USP34: variants seen among roughly 807,000 people sequenced by gnomAD.
USP34 encodes the protein ubiquitin specific peptidase 34.
A neutral mutation model predicts 460.3 loss-of-function variants in USP34; 70 were observed. The observed-to-expected ratio is 0.15, with a 90% CI of 0.13 to 0.19. The LOEUF (loss-of-function observed/expected upper bound fraction) is 0.19. USP34 is among the 10% of genes least tolerant of loss of function. The probability of loss-of-function intolerance (pLI) is 1.00; values close to 1 mark genes in which losing one functional copy is unlikely to be tolerated. For synonymous variants in USP34, 1,647 were observed against 1,405.3 expected (o/e 1.17, Z -3.85); for missense variants, 3,985 against 4,236.2 (o/e 0.94, Z 1.65).
chr2:61,246,276 A>C, intron 50 of USP34, 48 bp downstream of exon 50: 1 of 1,400,906 alleles, frequency 7.1e-7, no homozygotes, highest in Non-Finnish European at 9.4e-7. Context: ...AACATATCAG[A>C]AAACTACCAT....
chr2:61,242,730 G>A (rs1688304576), intron 51 of USP34, among the ~76,000 whole-genome samples: 1 of 152,154 alleles, frequency 6.6e-6, no homozygotes, highest in Admixed American at 6.5e-5. Context: ...TAATGCTGGA[G>A]AACTTCAGGT....
intron 41 of USP34, among the ~76,000 whole-genome samples, chr2:61,275,878 G>C (rs781360007): frequency 6.6e-6 from 1 of 151,904 alleles, no homozygotes; most frequent in Non-Finnish European, 1.5e-5. Flanking sequence ...ATTTGTCCTA[G>C]GATGACAACT....
intron 32 of USP34, among the ~76,000 whole-genome samples, chr2:61,294,228 A>C (rs924986331): frequency 1.3e-5 from 2 of 149,788 alleles, no homozygotes; most frequent in African/African-American, 4.9e-5. Flanking sequence ...CGCCTGTAGT[A>C]CCAGCTACTC....
intron 62 of USP34, among the ~76,000 whole-genome samples, chr2:61,226,528 C>A (rs897676583): frequency 6.6e-6 from 1 of 152,104 alleles, no homozygotes; most frequent in Non-Finnish European, 1.5e-5. Flanking sequence ...TTTTTCCCAC[C>A]TTTTTTTACT....
In USP34 at chr2:61,452,879, G is replaced by T. The variant is rs1462267603; in HGVS notation, c.43+17771C>A. Among the ~76,000 whole-genome samples the T allele has an allele frequency of 2.3e-5, 3 of 129,350 alleles. No homozygotes were observed. The Admixed American group carries it at 2.8e-4, about 12-fold the overall frequency. The allele number at this position is 129,350 out of a possible 152,430, so 84.9% of individuals were successfully genotyped here. The stretch of plus-strand genomic sequence containing the variant: ...ACTCCAGCCCTTAGAGACAGACCAA[G>T]ACACTATGATGACCCACCCCACAAC... On this transcript the variant is annotated intron_variant, in intron 1 of 79. Transcript: ENST00000398571.
chr2:61,278,464 A>C, intron 39 of USP34, 21 bp from the exon 40 acceptor site: 3 of 1,482,336 alleles, frequency 2.0e-6, no homozygotes, highest in East Asian at 2.5e-5. Flanking sequence ...AAAGAAAATA[A>C]AAATTCAAAT....
intron 58 of USP34, among the ~76,000 whole-genome samples, chr2:61,230,739 A>G (rs1572854193): frequency 6.6e-6 from 1 of 151,580 alleles, no homozygotes; most frequent in African/African-American, 2.4e-5. Context: ...AGCTACTTGG[A>G]AAGCTGAGGC....
rs1284275667 is a variant in USP34, at chr2:61,452,026, T to A, written c.43+18624A>T. On this transcript the variant is annotated intron_variant, in intron 1 of 79. Coordinates refer to ENST00000398571, the MANE Select transcript of USP34 (RefSeq NM_014709.4). ...CGTCTCTACTAAAAATACAAAAAAT[T>A]AGCCGGGCGTGGTGGCGGGCGCCTG... Among the ~76,000 whole-genome samples the A allele has an allele frequency of 3.3e-5, 5 of 151,210 alleles. No individual in the cohort carries two copies. The East Asian group carries it at 1.0e-3, about 30-fold the overall frequency.
At chr2:61,454,459 T>C (rs1000971989) in intron 1 of USP34, among the ~76,000 whole-genome samples, 2 of 151,892 alleles carry the variant, frequency 1.3e-5, no homozygotes, top group Non-Finnish European at 2.9e-5. Context: ...TGTTTTTGTT[T>C]TTCCCAAAGG....
intron 79 of USP34, 56 bp downstream of exon 79, chr2:61,188,854 G>C (rs1686532043): frequency 6.3e-7 from 1 of 1,598,894 alleles, no homozygotes; most frequent in African/African-American, 1.3e-5. Context: ...GTTACACCAA[G>C]TGTATTACTC....
rs145616603 is a variant in USP34 at position 61,388,377 on chromosome 2, C to A, written c.754-5041G>T. ...CTGACAGAAGTATAAATTAATACAA[C>A]CACCTAAGGAAACCATAGGTTTAAC... is the stretch of plus-strand genomic sequence containing the variant. On this transcript the variant is annotated intron_variant, in intron 5 of 79. Transcript: ENST00000398571. 9.4e-3 allele frequency among the ~76,000 whole-genome samples: 1,420 copies of A among 151,474 alleles called. 12 individuals carry two copies. Among genetic ancestry groups the A allele is most frequent in the Middle Eastern group, 0.055 (16 of 292 alleles).
At chr2:61,354,326 CA>C (rs2103795030) in intron 10 of USP34, among the ~76,000 whole-genome samples, 1 of 152,204 alleles carries the variant, frequency 6.6e-6, no homozygotes, top group African/African-American at 2.4e-5. Flanking sequence ...CGTTAGAGGC[CA>C]GAAGGCAATG....
At chr2:61,446,204 A>C (rs1695112531) in intron 1 of USP34, among the ~76,000 whole-genome samples, 1 of 151,772 alleles carries the variant, frequency 6.6e-6, no homozygotes, top group African/African-American at 2.4e-5. Flanking sequence ...CATATTTTCC[A>C]CCAAAAAACA....
At chr2:61,291,933 T>C (rs182685760) in intron 33 of USP34, among the ~76,000 whole-genome samples, 5 of 152,114 alleles carry the variant, frequency 3.3e-5, no homozygotes, top group Admixed American at 6.5e-5. Flanking sequence ...ATCTCGAAAA[T>C]AGGCTAAGTG....
chr2:61,217,988 A>C (rs1009887277), intron 67 of USP34, among the ~76,000 whole-genome samples: 5 of 152,014 alleles, frequency 3.3e-5, no homozygotes, highest in Non-Finnish European at 5.9e-5. Context: ...AATAAAAATA[A>C]ATAAATAAAA....
At chr2:61,410,999 A>C (rs375505135) in intron 2 of USP34, among the ~76,000 whole-genome samples, 1 of 152,194 alleles carries the variant, frequency 6.6e-6, no homozygotes, top group Admixed American at 6.5e-5. Context: ...CCTAAAAAAA[A>C]CAAAATATTA....
chr2:61,196,589 G>A (rs182526118), intron 75 of USP34, among the ~76,000 whole-genome samples: 1 of 151,782 alleles, frequency 6.6e-6, no homozygotes, highest in Admixed American at 6.6e-5. Context: ...ATGTTGCAGT[G>A]GCATCGTCTT....
At chr2:61,266,725 T>C (rs542589374) in intron 41 of USP34, among the ~76,000 whole-genome samples, 1 of 152,290 alleles carries the variant, frequency 6.6e-6, no homozygotes, top group East Asian at 1.9e-4. Context: ...AATAGTACTA[T>C]GGTACATTGG....
intron 65 of USP34, 52 bp downstream of exon 65, chr2:61,222,567 T>C: frequency 6.9e-7 from 1 of 1,442,222 alleles, no homozygotes; most frequent in Non-Finnish European, 9.7e-7. Context: ...TTGAAAGCAT[T>C]AGCAGTGCTG....
Sources: gnomAD v4.1 joint callset for allele counts (sites outside exome capture counted in the v4.1 genomes callset) on GRCh38, gnomAD v4.1.1 for gene constraint, MANE v1.5 for transcripts, NCBI Gene and HGNC (gene_info 2026-07-23, HGNC 2026-07-21) for gene names.